Variants in ARL14EP observed in about 807,000 individuals in gnomAD.
ARL14EP encodes the protein ARL14 effector protein.
ARL14EP carries 12 observed loss-of-function variants against 23.1 expected under a neutral mutation model. The ratio of observed to expected loss-of-function variants is 0.52; its 90% CI spans 0.33 to 0.84. The LOEUF (loss-of-function observed/expected upper bound fraction) is 0.84. Among genes scored for constraint, ARL14EP ranks in the 40% least tolerant of loss-of-function variants. The pLI is 0.02. For missense variants in ARL14EP, 253 were observed against 307.3 expected, an observed-to-expected ratio of 0.82 and a Z score of 1.32; for synonymous variants, 97 against 102.0, an observed-to-expected ratio of 0.95 and a Z score of 0.29.
In ARL14EP at chr11:30,331,170, A is replaced by G; in HGVS notation, c.222A>G (p.Ser74=). ...YIDRFEDLQK[S]CCDPFNIHKK... ...ACAGATTTGAGGATTTACAGAAGTC[A>G]TGTTGTGACCCATTTAACATACACA... The change falls in exon 2 of 4, where the codon TCA becomes TCG. Residue 74 remains serine, a synonymous_variant. Transcript: ENST00000282032. 14 of 1,613,996 alleles carry G rather than the reference A, an allele frequency of 8.7e-6. No individual in the cohort carries two copies. Among genetic ancestry groups the G allele is most frequent in the Non-Finnish European group, 1.2e-5 (14 of 1,179,870 alleles).
rs775434354 is a variant in ARL14EP, at chr11:30,330,979, C to T, written c.31C>T (p.Leu11Phe). 1 of 1,613,792 alleles carries T rather than the reference C, an allele frequency of 6.2e-7. No homozygotes were observed. Among genetic ancestry groups the T allele is most frequent in the South Asian group, 1.1e-5 (1 of 91,072 alleles). Reference protein sequence around the residue: MMDPCSVGVQLRTTNECHKTY... With the variant: MMDPCSVGVQFRTTNECHKTY... ...GGATCCATGTTCAGTTGGAGTCCAG[C>T]TTCGTACTACAAATGAGTGCCATAA... is the stretch of plus-strand genomic sequence containing the variant. Residue 11 changes from leucine (L) to phenylalanine (F), a missense_variant, in exon 2 of 4, where the codon CTT becomes TTT. Transcript: ENST00000282032.
chr11:30,337,455 A>G lies in ARL14EP; in HGVS notation c.*660A>G, dbSNP rs992630469. On this transcript the variant is annotated 3_prime_UTR_variant, in exon 4 of 4. Transcript: ENST00000282032. ...AAGTGCAGCAAAGCAATGAAAAATG[A>G]TAACACTGGAAGTGAAATTTTAATC... 2 of 152,374 alleles carry G rather than the reference A, an allele frequency of 1.3e-5. No homozygotes were observed. The highest frequency in any genetic ancestry group is 2.4e-5 in the African/African-American group (1 of 41,454). The allele number at this position is 152,374 out of a possible 1,614,324, so 9.4% of individuals were successfully genotyped here.
intron 1 of ARL14EP, chr11:30,329,907 A>G (rs1000895010): frequency 2.6e-5 from 4 of 151,886 alleles, no homozygotes; most frequent in African/African-American, 7.3e-5. Context: ...AAATATATCC[A>G]TCTTTTTATT....
At chr11:30,333,606 G>T (rs1306181120) in intron 3 of ARL14EP, among the ~76,000 whole-genome samples, 4 of 152,056 alleles carry the variant, frequency 2.6e-5, no homozygotes. Flanking sequence ...CCACCTACTG[G>T]CTGTTCTCTA....
chr11:30,335,496 TC>T (rs902438445), intron 3 of ARL14EP, among the ~76,000 whole-genome samples: 6 of 152,110 alleles, frequency 3.9e-5, no homozygotes, highest in African/African-American at 1.4e-4. Context: ...GCAGCAAACT[TC>T]ACTGTAGTCT....
chr11:30,330,887 G>A lies in ARL14EP; in HGVS notation c.-62G>A, dbSNP rs1947276464. 4 of 1,491,728 alleles carry A rather than the reference G, an allele frequency of 2.7e-6. No individual in the cohort carries two copies. The highest frequency in any genetic ancestry group is 1.4e-5 in the African/African-American group (1 of 71,264). 92.4% of individuals were successfully genotyped at this position (1,491,728 alleles called of 1,614,324 possible). ...GATTCTCTTTAATATTTTCTCTAGG[G>A]TGATCAGCCCATGACCTAAACCTCC... On this transcript the variant is annotated splice_region_variant and 5_prime_UTR_variant, in exon 2 of 4. It adds an upstream start codon to the 5' untranslated region. Transcript: ENST00000282032.
chr11:30,335,711 AAT>A (rs1947325782), intron 3 of ARL14EP, among the ~76,000 whole-genome samples: 1 of 152,074 alleles, frequency 6.6e-6, no homozygotes, highest in Non-Finnish European at 1.5e-5. Flanking sequence ...TTGCACACTT[AAT>A]AGGCTATAGT....
intron 1 of ARL14EP, chr11:30,328,200 A>G (rs1228518526): frequency 6.6e-6 from 1 of 151,162 alleles, no homozygotes; most frequent in East Asian, 2.0e-4. Flanking sequence ...GCTGGAGTCC[A>G]GTGACACGAT....
At chr11:30,328,398 G>C (rs940936169) in intron 1 of ARL14EP, 7 of 152,128 alleles carry the variant, frequency 4.6e-5, no homozygotes, top group African/African-American at 9.7e-5. Context: ...CTCCCAAAGT[G>C]CTGGGATTAC....
intron 1 of ARL14EP, chr11:30,330,303 A>AG (rs1450962633): frequency 6.6e-6 from 1 of 152,458 alleles, no homozygotes; most frequent in Non-Finnish European, 1.5e-5. Context: ...TCTTTCATAT[A>AG]GACCAGCTTG....
intron 1 of ARL14EP, chr11:30,330,664 T>C (rs759790244): frequency 2.6e-5 from 9 of 341,838 alleles, no homozygotes; most frequent in African/African-American, 1.1e-4. Flanking sequence ...TTAATTCTTA[T>C]GTGGTCTTAA....
intron 3 of ARL14EP, among the ~76,000 whole-genome samples, chr11:30,335,366 A>C (rs1256949985): frequency 6.6e-6 from 1 of 152,340 alleles, no homozygotes; most frequent in Non-Finnish European, 1.5e-5. Context: ...AACTTAGTAG[A>C]TAAAGCAGAG....
intron 2 of ARL14EP, chr11:30,331,908 A>C: frequency 1.5e-6 from 1 of 675,414 alleles, no homozygotes; most frequent in Non-Finnish European, 1.8e-6. Context: ...CTAGTTCTGA[A>C]TTCCTACTTG....
chr11:30,336,047 T>G (rs2133655138), intron 3 of ARL14EP, among the ~76,000 whole-genome samples: 1 of 152,282 alleles, frequency 6.6e-6, no homozygotes, highest in African/African-American at 2.4e-5. Flanking sequence ...TTCAGAATTT[T>G]TTTTCTAAGT....
chr11:30,326,266 G>A (rs368125850), intron 1 of ARL14EP, among the ~76,000 whole-genome samples: 32 of 152,270 alleles, frequency 2.1e-4, no homozygotes, highest in African/African-American at 6.7e-4. Flanking sequence ...TTTTTGAAAT[G>A]CAGATCCTGA....
Position 30,331,088 on chromosome 11 carries a change from G to C in ARL14EP, c.140G>C (p.Gly47Ala). The part of the protein sequence containing the change: ...NDMLLLQLRT[G>A]MTLSGNNTIC... ...ATGCTTTTACTTCAACTTAGAACTG[G>C]AATGACACTTTCTGGGAACAATACA... Residue 47 changes from glycine (G) to alanine (A), a missense_variant, in exon 2 of 4, where the codon GGA becomes GCA. Coordinates refer to ENST00000282032, the MANE Select transcript of ARL14EP (RefSeq NM_152316.3). 6.2e-7 allele frequency: 1 copy of C among 1,613,860 alleles called. No individual in the cohort carries two copies. Among genetic ancestry groups the C allele is most frequent in the Non-Finnish European group, 8.5e-7 (1 of 1,179,842 alleles).
At chr11:30,328,588 G>A (rs1313088647) in intron 1 of ARL14EP, 1 of 152,036 alleles carries the variant, frequency 6.6e-6, no homozygotes, top group Non-Finnish European at 1.5e-5. Flanking sequence ...CAGTTAAAAT[G>A]TTCAGTAACA....
chr11:30,323,940 A>C (rs890245006), intron 1 of ARL14EP, among the ~76,000 whole-genome samples: 1 of 152,226 alleles, frequency 6.6e-6, no homozygotes, highest in Non-Finnish European at 1.5e-5. Context: ...AATCTTTTCA[A>C]TGGTGTTATG....
intron 1 of ARL14EP, among the ~76,000 whole-genome samples, chr11:30,324,883 A>G (rs970584440): frequency 1.3e-5 from 2 of 152,174 alleles, no homozygotes; most frequent in Non-Finnish European, 2.9e-5. Context: ...CTACAAAAAT[A>G]TTAAATGTTA....
Sources: gnomAD v4.1 joint callset for allele counts (sites outside exome capture counted in the v4.1 genomes callset) on GRCh38, gnomAD v4.1.1 for gene constraint, MANE v1.5 for transcripts, NCBI Gene and HGNC (gene_info 2026-07-23, HGNC 2026-07-21) for gene names.